Variants in ESCO1 observed in about 807,000 individuals in gnomAD.
The protein encoded by ESCO1 is N-acetyltransferase ESCO1.
A neutral mutation model predicts 83.5 loss-of-function variants in ESCO1; 33 were observed. That is an observed-to-expected ratio of 0.40 (90% CI 0.30 to 0.53). The LOEUF (loss-of-function observed/expected upper bound fraction) is 0.53, where lower values mean the gene tolerates loss of function less well. Ranked by LOEUF, ESCO1 falls within the 20% of genes least tolerant of loss-of-function variation. The pLI, the probability that ESCO1 is intolerant of heterozygous loss-of-function variation, is 0.63. For missense variants in ESCO1, 855 were observed against 968.0 expected (o/e 0.88, Z 1.55); for synonymous variants, 332 against 324.3 (o/e 1.02, Z -0.25).
chr18:21,548,310 CAGT>C (rs977898851), intron 8 of ESCO1, among the ~76,000 whole-genome samples: 1 of 149,338 alleles, frequency 6.7e-6, no homozygotes, highest in African/African-American at 2.5e-5. Flanking sequence ...CTGGGCTACA[CAGT>C]AGGACCCTGT....
At chr18:21,586,990 G>A (rs879386432) in intron 1 of ESCO1, among the ~76,000 whole-genome samples, 2 of 152,070 alleles carry the variant, frequency 1.3e-5, no homozygotes, top group Non-Finnish European at 2.9e-5. Context: ...TGCATCTATT[G>A]AGGTAATCAT....
intron 1 of ESCO1, chr18:21,593,583 AGAGAGGGAGACCGTAGG>A (rs1568115690): frequency 8.3e-5 from 2 of 24,006 alleles, no homozygotes; most frequent in Non-Finnish European, 1.1e-4. Context: ...GACCGTGGAA[AGAGAGGGAGACCGTAGG>A]GAGAGGGAGA....
intron 8 of ESCO1, among the ~76,000 whole-genome samples, chr18:21,550,968 C>T (rs187344288): frequency 1.1e-3 from 171 of 151,722 alleles, no homozygotes; most frequent in Non-Finnish European, 2.0e-3. Flanking sequence ...AAAAATTAGC[C>T]GGGCATGGTG....
At chr18:21,545,560 A>G (rs1057293242) in intron 8 of ESCO1, among the ~76,000 whole-genome samples, 2 of 151,118 alleles carry the variant, frequency 1.3e-5, no homozygotes, top group African/African-American at 4.9e-5. Context: ...TTAACAGAGC[A>G]AGACACCGTC....
At chr18:21,588,808 T>C (rs924366246) in intron 1 of ESCO1, among the ~76,000 whole-genome samples, 2 of 151,850 alleles carry the variant, frequency 1.3e-5, no homozygotes, top group African/African-American at 4.8e-5. Context: ...CCCATCTACT[T>C]GGGAGGCTGA....
intron 9 of ESCO1, among the ~76,000 whole-genome samples, chr18:21,537,960 A>AATATGAAAAAACT (rs976085491): frequency 2.6e-5 from 4 of 152,138 alleles, no homozygotes; most frequent in Non-Finnish European, 5.9e-5. Flanking sequence ...GAATTGTGAC[A>AATATGAAAAAACT]ATATGAAAAA....
chr18:21,578,123 C>A (rs1054143388), intron 2 of ESCO1, among the ~76,000 whole-genome samples: 1 of 152,148 alleles, frequency 6.6e-6, no homozygotes, highest in Non-Finnish European at 1.5e-5. Context: ...AATTTCCAAT[C>A]ACTTTTAACC....
In ESCO1 at chr18:21,542,461, G is replaced by C. The variant is rs548574299; in HGVS notation, c.1954-2452C>G. 2.6e-5 allele frequency among the ~76,000 whole-genome samples: 4 copies of C among 152,302 alleles called. No homozygotes were observed. In the East Asian group the frequency reaches 7.7e-4, roughly 29 times the overall value. ...ATGCATGGCCTTAGGCAAATCACTGGAACTCTGATTCTGTTTCCTGATCTT... is the reference window on the plus strand; with the variant it reads ...ATGCATGGCCTTAGGCAAATCACTGCAACTCTGATTCTGTTTCCTGATCTT... On this transcript the variant is annotated intron_variant, in intron 8 of 11. Transcript: ENST00000269214.
intron 8 of ESCO1, among the ~76,000 whole-genome samples, chr18:21,543,532 T>C (rs568022523): frequency 5.9e-5 from 9 of 152,174 alleles, no homozygotes; most frequent in African/African-American, 2.2e-4. Flanking sequence ...GGATTACAAT[T>C]GGAAACAAAA....
chr18:21,571,608 A>C (rs1285990143), intron 4 of ESCO1, among the ~76,000 whole-genome samples: 1 of 152,232 alleles, frequency 6.6e-6, no homozygotes, highest in African/African-American at 2.4e-5. Context: ...ATCTTCATTC[A>C]AGTACAGTTT....
intron 1 of ESCO1, among the ~76,000 whole-genome samples, chr18:21,585,051 G>A (rs187883421): frequency 6.7e-6 from 1 of 148,800 alleles, no homozygotes; most frequent in Non-Finnish European, 1.5e-5. Context: ...CTGAGGCAGA[G>A]AACTGCTTGA....
rs1179780914 is a variant in ESCO1, at chr18:21,529,622, TA to T, written c.*720del. ...TAAAAGTGAAACCAGAATGAAAGAA[TA>T]ATGAATCTAGGAGGGTACCTTTCCT... is the stretch of plus-strand genomic sequence containing the variant. On this transcript the variant is annotated 3_prime_UTR_variant, in exon 12 of 12. Transcript: ENST00000269214. 84 of 152,274 alleles carry T rather than the reference TA, an allele frequency of 5.5e-4. No individual in the cohort carries two copies. Among genetic ancestry groups the T allele is most frequent in the African/African-American group, 1.9e-3 (79 of 41,568 alleles). 9.4% of individuals were successfully genotyped at this position (152,274 alleles called of 1,614,324 possible).
chr18:21,596,502 T>C (rs2038769382), intron 1 of ESCO1, among the ~76,000 whole-genome samples: 1 of 152,118 alleles, frequency 6.6e-6, no homozygotes, highest in Non-Finnish European at 1.5e-5. Context: ...AATAATTAGC[T>C]ATAATAATAT....
intron 2 of ESCO1, among the ~76,000 whole-genome samples, chr18:21,577,171 A>G (rs2038429718): frequency 6.6e-6 from 1 of 151,842 alleles, no homozygotes; most frequent in Non-Finnish European, 1.5e-5. Context: ...CCTGGCCAAC[A>G]TGGTGAAACC....
intron 7 of ESCO1, 109 bp from the exon 8 acceptor site, chr18:21,561,099 A>G (rs1225934036): frequency 5.9e-6 from 6 of 1,024,010 alleles, no homozygotes; most frequent in Admixed American, 6.6e-5. Flanking sequence ...TTTAATCTAC[A>G]TGAATAACAT....
intron 4 of ESCO1, among the ~76,000 whole-genome samples, chr18:21,569,407 G>A (rs2038309095): frequency 6.6e-6 from 1 of 151,812 alleles, no homozygotes; most frequent in Non-Finnish European, 1.5e-5. Context: ...GACCATCCTG[G>A]CCAACACAGT....
At chr18:21,544,371 C>T (rs979200533) in intron 8 of ESCO1, among the ~76,000 whole-genome samples, 1 of 151,820 alleles carries the variant, frequency 6.6e-6, no homozygotes, top group Non-Finnish European at 1.5e-5. Flanking sequence ...CTTTTGGGGG[C>T]CAAGGCAGGC....
intron 7 of ESCO1, among the ~76,000 whole-genome samples, chr18:21,561,781 G>A (rs982576043): frequency 3.3e-5 from 5 of 151,916 alleles, no homozygotes; most frequent in African/African-American, 1.2e-4. Flanking sequence ...ATGTTGCCCA[G>A]GCTGGTCTAG....
At chr18:21,588,417 T>C (rs894019757) in intron 1 of ESCO1, among the ~76,000 whole-genome samples, 1 of 151,720 alleles carries the variant, frequency 6.6e-6, no homozygotes, top group Non-Finnish European at 1.5e-5. Flanking sequence ...CTTTACTTTG[T>C]TAATAAACTT....
Sources: gnomAD v4.1 joint callset for allele counts (sites outside exome capture counted in the v4.1 genomes callset) on GRCh38, gnomAD v4.1.1 for gene constraint, MANE v1.5 for transcripts, NCBI Gene and HGNC (gene_info 2026-07-23, HGNC 2026-07-21) for gene names.